The following AMBRA1 variants were observed in gnomAD, a reference collection of about 807,000 sequenced individuals.
AMBRA1 encodes the protein activating molecule in BECN1-regulated autophagy protein 1.
AMBRA1 carries 47 observed loss-of-function variants against 125.4 expected under a neutral mutation model. The ratio of observed to expected loss-of-function variants is 0.37; its 90% confidence interval spans 0.30 to 0.48. The LOEUF is 0.48. Ranked by LOEUF, AMBRA1 falls within the 20% of genes least tolerant of loss-of-function variation. AMBRA1 has a pLI of 0.99. For missense variants in AMBRA1, 1,331 were observed against 1,693.4 expected (o/e 0.79, Z 3.76); for synonymous variants, 626 against 655.5 (o/e 0.95, Z 0.69).
intron 1 of AMBRA1, among the ~76,000 whole-genome samples, chr11:46,550,143 G>C (rs2042948116): frequency 6.6e-6 from 1 of 152,204 alleles, no homozygotes; most frequent in South Asian, 2.1e-4. Context: ...TAAAAGATCA[G>C]GAGAGTTGAC....
At position 46,418,167 on chromosome 11, in the gene AMBRA1, G is replaced by A. The variant is rs1239821361; in HGVS notation, c.2977-115C>T. On this transcript the variant is annotated intron_variant, in intron 14 of 17. Transcript: ENST00000683756. ...AAGGAGGAAAGGAGGTGGTTAGGCT[G>A]GGAACAGGATGACTCTTTTTTTTTC... is the stretch of plus-strand genomic sequence containing the variant. 3.1e-6 allele frequency: 3 copies of A among 965,316 alleles called. No individual in the cohort carries two copies. The Admixed American group carries it at 1.1e-4, about 35-fold the overall frequency. 59.8% of individuals were successfully genotyped at this position (965,316 alleles called of 1,614,324 possible). A position where few individuals can be genotyped will look rare whatever the true frequency, so the allele number is the denominator to read the frequency against.
At chr11:46,586,410 AT>A (rs1407987528) in intron 1 of AMBRA1, among the ~76,000 whole-genome samples, 2 of 152,162 alleles carry the variant, frequency 1.3e-5, no homozygotes, top group Non-Finnish European at 2.9e-5. Flanking sequence ...TAATAAAAAA[AT>A]AATTTTTTAA....
intron 7 of AMBRA1, among the ~76,000 whole-genome samples, chr11:46,532,129 T>G (rs146690240): frequency 6.6e-6 from 1 of 152,014 alleles, no homozygotes; most frequent in South Asian, 2.1e-4. Context: ...AGAAATAAAT[T>G]AATTAATTAA....
chr11:46,585,719 T>TAC lies in AMBRA1; in HGVS notation c.-121+8108_-121+8109insGT, dbSNP rs1555017469. Among the ~76,000 whole-genome samples the TAC allele has an allele frequency of 2.3e-4, 22 of 96,662 alleles. 1 individual carries two copies. The highest frequency in any genetic ancestry group is 9.0e-4 in the African/African-American group (22 of 24,568). The allele number at this position is 96,662 out of a possible 152,430, so 63.4% of individuals were successfully genotyped here. On this transcript the variant is annotated intron_variant, in intron 1 of 17. Transcript: ENST00000683756. ...AAATATATATATATATATATATATA[T>TAC]ATATTCCTAGCTTCCCAAATTGCTG...
At chr11:46,470,091 T>C (rs1949516726) in intron 11 of AMBRA1, among the ~76,000 whole-genome samples, 1 of 152,172 alleles carries the variant, frequency 6.6e-6, no homozygotes, top group Non-Finnish European at 1.5e-5. Context: ...ATAAGACTTG[T>C]ATTATCTTCC....
Position 46,397,808 on chromosome 11 carries a change from T to A in AMBRA1, c.3539A>T (p.Asn1180Ile). 6.2e-7 allele frequency: 1 copy of A among 1,607,842 alleles called. No homozygotes were observed. Among genetic ancestry groups the A allele is most frequent in the Non-Finnish European group, 8.5e-7 (1 of 1,179,978 alleles). Reference protein sequence around the residue: ...TTMASMGGFGNNIIVSHRIHR... With the variant: ...TTMASMGGFGINIIVSHRIHR... Reference sequence around the variant, plus strand: ...AATGCGGTGGCTGACGATGATGTTGTTGCCGAAGCCGCCCATGGAGGCCAT... The same window carrying A: ...AATGCGGTGGCTGACGATGATGTTGATGCCGAAGCCGCCCATGGAGGCCAT... Residue 1180 changes from asparagine to isoleucine, a missense_variant, in exon 18 of 18, where the codon AAC (asparagine) becomes ATC (isoleucine). By Grantham distance (149) the Asn-to-Ile change is moderately radical. Around this residue, in one of 4 missense-constraint regions of AMBRA1, gnomAD observed 354 missense variants for 532.7 expected, o/e 0.66. Transcript: ENST00000683756.
At chr11:46,461,560 A>C (rs968738015) in intron 11 of AMBRA1, among the ~76,000 whole-genome samples, 5 of 152,226 alleles carry the variant, frequency 3.3e-5, no homozygotes, top group Non-Finnish European at 5.9e-5. Context: ...TAATTGGCTA[A>C]AGTTAAATAC....
Position 46,443,468 on chromosome 11 carries a change from C to T in AMBRA1, c.2632+20G>A. ...CAAATATAACCCTTCCACTGATACC[C>T]CCATTTGACATTGACTTACCATTAC... On this transcript the variant is annotated intron_variant, in intron 12 of 17. Coordinates refer to ENST00000683756, the MANE Select transcript of AMBRA1 (RefSeq NM_001387011.1). 2.5e-6 allele frequency: 4 copies of T among 1,588,752 alleles called. No individual in the cohort carries two copies. Among genetic ancestry groups the T allele is most frequent in the Middle Eastern group, 1.7e-4 (1 of 6,018 alleles).
intron 1 of AMBRA1, among the ~76,000 whole-genome samples, chr11:46,570,347 A>G (rs7117179): frequency 1.5e-4 from 23 of 151,900 alleles, no homozygotes; most frequent in African/African-American, 5.6e-4. Flanking sequence ...CCTCCATGGA[A>G]CTATCCTGTG....
At chr11:46,487,327 A>G (rs1950302388) in intron 11 of AMBRA1, among the ~76,000 whole-genome samples, 1 of 152,040 alleles carries the variant, frequency 6.6e-6, no homozygotes, top group African/African-American at 2.4e-5. Flanking sequence ...AACAATAATA[A>G]CAAGTAAATT....
chr11:46,442,605 G>C (rs1240686444), intron 12 of AMBRA1, among the ~76,000 whole-genome samples: 1 of 152,152 alleles, frequency 6.6e-6, no homozygotes, highest in Non-Finnish European at 1.5e-5. Flanking sequence ...TTAAAATGTT[G>C]TGATTCCAAT....
At chr11:46,543,911 T>A (rs1387795848) in intron 6 of AMBRA1, 64 bp downstream of exon 6, 1 of 1,288,482 alleles carries the variant, frequency 7.8e-7, no homozygotes, top group Non-Finnish European at 1.1e-6. Context: ...TAATCAGAAT[T>A]GGAATACTAG....
intron 11 of AMBRA1, among the ~76,000 whole-genome samples, chr11:46,471,528 A>C (rs1949587808): frequency 6.6e-6 from 1 of 150,428 alleles, no homozygotes; most frequent in Non-Finnish European, 1.5e-5. Context: ...CAGTGAGCCG[A>C]GATCGCCCCA....
chr11:46,406,993 A>G (rs1946053224), intron 17 of AMBRA1, among the ~76,000 whole-genome samples: 1 of 152,112 alleles, frequency 6.6e-6, no homozygotes, highest in Admixed American at 6.5e-5. Flanking sequence ...AGCCTGGACA[A>G]CATGGTGAAA....
intron 10 of AMBRA1, 171 bp downstream of exon 10, chr11:46,493,953 T>G: frequency 1.4e-6 from 1 of 693,362 alleles, no homozygotes. Context: ...TTTCATCTCT[T>G]TTGAATGTGG....
rs1400469665 is a variant in AMBRA1, at chr11:46,494,185, T to G, written c.2359A>C (p.Arg787=). The stretch of plus-strand genomic sequence containing the variant: ...CGGGCATTGCGTGGAGCTCGGTGCC[T>G]GGATCTGTCACCATTGTCCCTGAAA... ...EDFEDNGDRS[R]HRAPRNARMS... The change falls in exon 10 of 18, where the codon AGG becomes CGG. Residue 787 remains arginine (R), a synonymous_variant. Coordinates refer to ENST00000683756, the MANE Select transcript of AMBRA1 (RefSeq NM_001387011.1). 4 of 1,603,802 alleles carry G rather than the reference T, an allele frequency of 2.5e-6. No homozygotes were observed. In the Admixed American group the frequency reaches 5.1e-5, roughly 20 times the overall value.
intron 9 of AMBRA1, among the ~76,000 whole-genome samples, chr11:46,501,612 A>T (rs1287475200): frequency 6.6e-6 from 1 of 152,272 alleles, no homozygotes; most frequent in African/African-American, 2.4e-5. Context: ...TTAACTACAT[A>T]GTAGTTCCTC....
intron 14 of AMBRA1, chr11:46,429,128 C>T (rs1043259786): frequency 2.0e-5 from 32 of 1,598,746 alleles, no homozygotes; most frequent in Admixed American, 8.6e-5. Flanking sequence ...AATGGCAATC[C>T]GGTTCTTCTT....
chr11:46,435,149 A>G, intron 12 of AMBRA1, 112 bp from the exon 13 acceptor site: 1 of 901,264 alleles, frequency 1.1e-6, no homozygotes. Context: ...CTTGTCTAGA[A>G]ATGCTAAAGA....
Sources: gnomAD v4.1 joint callset for allele counts (sites outside exome capture counted in the v4.1 genomes callset) on GRCh38, gnomAD v4.1.1 for gene constraint, gnomAD v4.1.1 regional missense constraint, MANE v1.5 for transcripts, NCBI Gene and HGNC (gene_info 2026-07-23, HGNC 2026-07-21) for gene names.